Variants in DNAH9 observed in about 807,000 individuals in gnomAD.
The protein encoded by DNAH9 is dynein axonemal heavy chain 9.
Under a neutral mutation model 471.6 loss-of-function variants are expected in DNAH9, and 345 were observed. The observed-to-expected ratio is 0.73, with a 90% CI of 0.67 to 0.80. The LOEUF (loss-of-function observed/expected upper bound fraction) is 0.80. Among genes scored for constraint, DNAH9 ranks in the 30% least tolerant of loss-of-function variants. The pLI, the probability that DNAH9 is intolerant of heterozygous loss-of-function variation, is 0.00. For synonymous variants in DNAH9, 2,093 were observed against 2,123.6 expected (o/e 0.99, Z 0.40); for missense variants, 5,407 against 5,609.2 (o/e 0.96, Z 1.15).
At chr17:11,933,136 T>G (rs375311763) in intron 64 of DNAH9, among the ~76,000 whole-genome samples, 1 of 152,276 alleles carries the variant, frequency 6.6e-6, no homozygotes, top group African/African-American at 2.4e-5. Context: ...CTTGTGGGCT[T>G]TGTTTATTCC....
In DNAH9 at chr17:11,807,949, A is replaced by T; in HGVS notation, c.8583+55A>T. 1.2e-5 allele frequency: 18 copies of T among 1,542,584 alleles called. No individual in the cohort carries two copies. In the South Asian group the frequency reaches 2.1e-4, roughly 18 times the overall value. On this transcript the variant is annotated intron_variant, in intron 44 of 68. Coordinates refer to ENST00000262442, the MANE Select transcript of DNAH9 (RefSeq NM_001372.4). ...GCTCAGCTTCCCTCCAACCAGCCAC[A>T]GTTCCATCATCCTTCACTCGTTCTC...
intron 21 of DNAH9, 122 bp downstream of exon 21, chr17:11,694,120 G>A (rs1257405389): frequency 1.5e-6 from 2 of 1,354,694 alleles, no homozygotes; most frequent in Non-Finnish European, 2.0e-6. Context: ...CTTTGCCTGT[G>A]TGTTTGGGTA....
intron 60 of DNAH9, among the ~76,000 whole-genome samples, chr17:11,904,389 GT>G (rs1397151818): frequency 2.0e-5 from 3 of 152,090 alleles, no homozygotes; most frequent in Non-Finnish European, 4.4e-5. Flanking sequence ...CCAGCACTTT[GT>G]CAGGCCGAGG....
chr17:11,609,636 T>C (rs549281414), intron 2 of DNAH9, among the ~76,000 whole-genome samples: 1 of 152,366 alleles, frequency 6.6e-6, no homozygotes, highest in East Asian at 1.9e-4. Flanking sequence ...TTTGTCGTTG[T>C]GTCCTTGATT....
At chr17:11,709,205 G>T (rs185288414) in intron 26 of DNAH9, among the ~76,000 whole-genome samples, 1 of 152,260 alleles carries the variant, frequency 6.6e-6, no homozygotes, top group Non-Finnish European at 1.5e-5. Context: ...GGGATTTATG[G>T]CCTCTACTGT....
chr17:11,842,088 A>G (rs976015452), intron 49 of DNAH9, among the ~76,000 whole-genome samples: 3 of 152,174 alleles, frequency 2.0e-5, no homozygotes, highest in Non-Finnish European at 4.4e-5. Flanking sequence ...CTTAATATTA[A>G]CAAGTAATAA....
chr17:11,661,002 A>G (rs1162983795), intron 14 of DNAH9, among the ~76,000 whole-genome samples: 4 of 152,034 alleles, frequency 2.6e-5, no homozygotes, highest in Admixed American at 6.6e-5. Context: ...GGATTTGTCT[A>G]TTTCAATTTT....
intron 19 of DNAH9, among the ~76,000 whole-genome samples, chr17:11,688,916 T>C (rs987994470): frequency 1.3e-5 from 2 of 151,872 alleles, no homozygotes; most frequent in African/African-American, 4.8e-5. Flanking sequence ...GCCGACATGG[T>C]GAAACCCCGT....
Position 11,934,028 on chromosome 17 carries a change from G to T in DNAH9, c.12446G>T (p.Gly4149Val). ...MLEGELSLAP[G>V]FPLPGNMDYN... ...GAAGGAGAACTGTCTTTGGCCCCAG[G>T]GTTCCCACTCCCAGGCAACATGGAC... Residue 4149 changes from glycine (G) to valine (V), a missense_variant, in exon 65 of 69, where the codon GGG (glycine) becomes GTG (valine). By Grantham distance (109) the Gly-to-Val change is moderately radical. This residue lies in a region of DNAH9 where 4,636 missense variants were observed against 4,900.3 expected (regional missense o/e 0.95). Transcript: ENST00000262442. 1.9e-6 allele frequency: 3 copies of T among 1,614,104 alleles called. No homozygotes were observed. The highest frequency in any genetic ancestry group is 2.5e-6 in the Non-Finnish European group (3 of 1,180,022).
intron 48 of DNAH9, among the ~76,000 whole-genome samples, chr17:11,833,369 G>A (rs1970736607): frequency 6.6e-6 from 1 of 152,212 alleles, no homozygotes; most frequent in African/African-American, 2.4e-5. Context: ...TATTTATTCA[G>A]AGCTTGCTCT....
At chr17:11,633,001 T>A (rs1279148327) in intron 8 of DNAH9, among the ~76,000 whole-genome samples, 3 of 152,110 alleles carry the variant, frequency 2.0e-5, no homozygotes, top group Non-Finnish European at 4.4e-5. Context: ...AGTGTGACCA[T>A]GCAATACCAT....
chr17:11,603,426 A>G (rs781081262), intron 1 of DNAH9, among the ~76,000 whole-genome samples: 3 of 152,168 alleles, frequency 2.0e-5, no homozygotes, highest in Non-Finnish European at 4.4e-5. Context: ...ACGAACTCTT[A>G]TGTCCACTTT....
chr17:11,789,622 A>G lies in DNAH9; in HGVS notation c.8062-3881A>G, dbSNP rs544626221. ...GTGCTAGTCAAAAAACCTGAAGGGT[A>G]TACCTGCATTATGCATTTGACTTTC... On this transcript the variant is annotated intron_variant, in intron 41 of 68. Transcript: ENST00000262442. Among the ~76,000 whole-genome samples the G allele has an allele frequency of 2.6e-5, 4 of 152,132 alleles. No individual in the cohort carries two copies. In the South Asian group the frequency reaches 8.3e-4, roughly 31 times the overall value.
chr17:11,803,733 C>T (rs1219922675), intron 43 of DNAH9, among the ~76,000 whole-genome samples: 2 of 152,144 alleles, frequency 1.3e-5, no homozygotes, highest in East Asian at 1.9e-4. Flanking sequence ...TGGCATGGGC[C>T]ATGCTAAGCT....
intron 4 of DNAH9, among the ~76,000 whole-genome samples, chr17:11,613,832 C>T (rs1273472565): frequency 6.6e-6 from 1 of 151,992 alleles, no homozygotes; most frequent in Non-Finnish European, 1.5e-5. Context: ...AAATTTGGGG[C>T]TCTGAAAAAG....
intron 48 of DNAH9, among the ~76,000 whole-genome samples, chr17:11,827,421 G>A (rs1970535898): frequency 6.6e-6 from 1 of 152,150 alleles, no homozygotes; most frequent in African/African-American, 2.4e-5. Flanking sequence ...ATCTCACATG[G>A]TGAGAATGTG....
At chr17:11,633,815 T>C (rs1260105450) in intron 8 of DNAH9, among the ~76,000 whole-genome samples, 2 of 152,204 alleles carry the variant, frequency 1.3e-5, no homozygotes, top group African/African-American at 4.8e-5. Context: ...ACCAGAGATG[T>C]TCAGGAGTCT....
intron 55 of DNAH9, 111 bp from the exon 56 acceptor site, chr17:11,883,475 C>T: frequency 7.4e-7 from 1 of 1,359,700 alleles, no homozygotes; most frequent in Admixed American, 2.2e-5. Flanking sequence ...TGCCATTCTG[C>T]CTCCACTTTA....
intron 28 of DNAH9, among the ~76,000 whole-genome samples, chr17:11,738,515 G>A (rs1317587433): frequency 1.3e-5 from 2 of 152,104 alleles, no homozygotes; most frequent in Non-Finnish European, 2.9e-5. Context: ...CGAGTAACTG[G>A]GATTACAGAT....
Sources: allele counts gnomAD v4.1 joint callset (sites outside exome capture counted in the v4.1 genomes callset), GRCh38; gene constraint gnomAD v4.1.1; regional missense constraint gnomAD v4.1.1; transcripts MANE v1.5; gene names NCBI Gene and HGNC (gene_info 2026-07-23, HGNC 2026-07-21).